The following RNF123 variants were observed in gnomAD, a reference collection of about 807,000 sequenced individuals.
The protein encoded by RNF123 is E3 ubiquitin-protein ligase RNF123.
Under a neutral mutation model 168.5 loss-of-function variants are expected in RNF123, and 86 were observed. The ratio of observed to expected loss-of-function variants is 0.51; its 90% CI spans 0.43 to 0.61. RNF123 has a LOEUF of 0.61. RNF123 is among the 20% of genes least tolerant of loss of function. The pLI is 0.00. For synonymous variants in RNF123, 666 were observed against 689.1 expected, an observed-to-expected ratio of 0.97 and a Z score of 0.52; for missense variants, 1,419 against 1,729.7, an observed-to-expected ratio of 0.82 and a Z score of 3.19.
chr3:49,719,183 T>A, intron 35 of RNF123: 4 of 1,613,426 alleles, frequency 2.5e-6, no homozygotes, highest in Non-Finnish European at 3.4e-6. Flanking sequence ...TCTAGTTCGT[T>A]GTGGTCTAGG....
chr3:49,692,129 C>T (rs2054178907), intron 3 of RNF123, among the ~76,000 whole-genome samples: 1 of 152,156 alleles, frequency 6.6e-6, no homozygotes, highest in Non-Finnish European at 1.5e-5. Flanking sequence ...CCTGTAGTCC[C>T]AGCTGTTAGG....
intron 33 of RNF123, 37 bp from the exon 34 acceptor site, chr3:49,716,065 C>T (rs2080237994): frequency 6.2e-7 from 1 of 1,613,344 alleles, no homozygotes; most frequent in African/African-American, 1.3e-5. Flanking sequence ...ATTGATGACG[C>T]TCCCCATCCA....
chr3:49,697,091 C>A, intron 3 of RNF123, 52 bp from the exon 4 acceptor site: 3 of 1,459,654 alleles, frequency 2.1e-6, no homozygotes, highest in Non-Finnish European at 2.9e-6. Context: ...TTAGTGTCAT[C>A]TGGCTGATTT....
At chr3:49,712,957 A>G (rs2080172561) in intron 27 of RNF123, 5 of 702,634 alleles carry the variant, frequency 7.1e-6, no homozygotes, top group Non-Finnish European at 1.3e-5. Context: ...ATGGTCCAGG[A>G]GCCAGCTGGC....
intron 21 of RNF123, among the ~76,000 whole-genome samples, chr3:49,704,146 G>A (rs1179439999): frequency 6.6e-6 from 1 of 152,198 alleles, no homozygotes; most frequent in Non-Finnish European, 1.5e-5. Flanking sequence ...GCGTTTAGCG[G>A]GGAGCAAGGC....
rs1416778649 is a variant in RNF123 at position 49,716,312 on chromosome 3, TAG to T, written c.3416-76_3416-75del. The T allele has an allele frequency of 5.6e-5, 87 of 1,550,922 alleles. No homozygotes were observed. The East Asian group carries it at 1.9e-3, about 34-fold the overall frequency. On this transcript the variant is annotated intron_variant, in intron 34 of 38. Transcript: ENST00000327697. ...TCTGCAGTCTCGGCTCACCCTTCTGTAGAGAGGGCAGTGGGCAGGCCTGGAGC... is the reference window on the plus strand; with the variant it reads ...TCTGCAGTCTCGGCTCACCCTTCTGTAGAGGGCAGTGGGCAGGCCTGGAGC...
Position 49,701,917 on chromosome 3 carries a change from C to G in RNF123, c.1495+7C>G, listed in dbSNP as rs994602421. On this transcript the variant is annotated splice_region_variant and intron_variant, in intron 17 of 38. Transcript: ENST00000327697. The stretch of plus-strand genomic sequence containing the variant: ...CTCAGGAAGCGCATCGAAGGTCAGC[C>G]CGCCTTGGGCACGGGGTAGGGTGGG... 2 of 1,559,170 alleles carry G rather than the reference C, an allele frequency of 1.3e-6. No individual in the cohort carries two copies. The highest frequency in any genetic ancestry group is 2.4e-5 in the South Asian group (2 of 84,698).
rs1293218218 is a variant in RNF123 at position 49,699,858 on chromosome 3, G to A, written c.984+86G>A. ...GGTAGATGTGCCCTCACTGAGGGCT[G>A]CAGTGCTGAGGTCCCACAGCATCAC... On this transcript the variant is annotated intron_variant, in intron 12 of 38. Transcript: ENST00000327697. The surrounding 1 kb of genome is among the most constrained non-coding windows in gnomAD (Gnocchi z 4.8). The A allele has an allele frequency of 6.7e-6, 9 of 1,342,728 alleles. No individual in the cohort carries two copies. The highest frequency in any genetic ancestry group is 2.4e-5 in the East Asian group (1 of 42,260). The allele number at this position is 1,342,728 out of a possible 1,614,324, so 83.2% of individuals were successfully genotyped here. A position where few individuals can be genotyped will look rare whatever the true frequency, so the allele number is the denominator to read the frequency against.
intron 12 of RNF123, 192 bp from the exon 13 acceptor site, chr3:49,700,035 C>G: frequency 2.6e-6 from 2 of 774,722 alleles, no homozygotes; most frequent in Non-Finnish European, 4.1e-6. Context: ...GTGTGCCAAG[C>G]CTTAGAGGAG....
rs1286708665 is a variant in RNF123, at chr3:49,702,723, G to T, written c.1720G>T (p.Ala574Ser). 2 of 1,614,118 alleles carry T rather than the reference G, an allele frequency of 1.2e-6. No homozygotes were observed. The highest frequency in any genetic ancestry group is 1.3e-5 in the African/African-American group (1 of 74,946). ...ALRYYWDEYK[A>S]SNPHASFSEE... ...GCGCTACTATTGGGATGAATACAAG[G>T]CTTCCAATCCTCATGCTTCCTTCAG... Residue 574 changes from alanine (A) to serine (S), a missense_variant, in exon 20 of 39, where the codon GCT (alanine) becomes TCT (serine). Around this residue, in one of 5 missense-constraint regions of RNF123, gnomAD observed 349 missense variants for 344.9 expected, o/e 1.01. Transcript: ENST00000327697.
In RNF123 at chr3:49,691,201, C is replaced by T. The variant is rs771896131; in HGVS notation, c.36C>T (p.Arg12=). Reference sequence around the variant, plus strand: ...AGGGGGCCGGCATGTCTTTCTCCCGCAAGAGCTATAGGCTGACCTCAGATG... The same window carrying T: ...AGGGGGCCGGCATGTCTTTCTCCCGTAAGAGCTATAGGCTGACCTCAGATG... ...ASKGAGMSFS[R]KSYRLTSDAE... is the part of the protein sequence containing the mutation. The change falls in exon 2 of 39, where the codon CGC becomes CGT. Residue 12 remains arginine, a synonymous_variant. Transcript: ENST00000327697. The T allele has an allele frequency of 6.2e-7, 1 of 1,613,962 alleles. No individual in the cohort carries two copies. Among genetic ancestry groups the T allele is most frequent in the South Asian group, 1.1e-5 (1 of 91,080 alleles).
At position 49,715,127 on chromosome 3, in the gene RNF123, C is replaced by T. The variant is rs375013985; in HGVS notation, c.3011-448C>T. On this transcript the variant is annotated intron_variant, in intron 31 of 38. Transcript: ENST00000327697. Reference sequence around the variant, plus strand: ...CCACCACCTCGGCCATATGCCAAGGCCAGGCCAAGGGCAGCAGAGGACAGT... The same window carrying T: ...CCACCACCTCGGCCATATGCCAAGGTCAGGCCAAGGGCAGCAGAGGACAGT... Among the ~76,000 whole-genome samples, 16 of 152,368 alleles carry T rather than the reference C, an allele frequency of 1.1e-4. No homozygotes were observed. The East Asian group carries it at 2.1e-3, about 20-fold the overall frequency.
chr3:49,701,970 T>G, intron 17 of RNF123, 60 bp downstream of exon 17: 1 of 1,550,176 alleles, frequency 6.5e-7, no homozygotes, highest in Non-Finnish European at 8.8e-7. Context: ...TGAGGGTGCT[T>G]GGAGGTGCCC....
At position 49,718,163 on chromosome 3, in the gene RNF123, C is replaced by T. The variant is rs770766221; in HGVS notation, c.3500+1686C>T. 29 of 1,613,154 alleles carry T rather than the reference C, an allele frequency of 1.8e-5. No homozygotes were observed. The South Asian group carries it at 2.7e-4, about 15-fold the overall frequency. ...GCGTCTGGCGGTGTGGTGCTGAGTA[C>T]TGAGGACTGTGCGCTCAGCTCTTGG... On this transcript the variant is annotated intron_variant, in intron 35 of 38. Transcript: ENST00000327697.
At chr3:49,720,353 C>A in intron 35 of RNF123, 158 bp from the exon 36 acceptor site, 7 of 589,646 alleles carry the variant, frequency 1.2e-5, no homozygotes, top group Non-Finnish European at 1.9e-5. Context: ...TGGCACCTTA[C>A]TAGAATACAG....
intron 3 of RNF123, among the ~76,000 whole-genome samples, chr3:49,695,170 A>G (rs2054243119): frequency 6.6e-6 from 1 of 152,166 alleles, no homozygotes; most frequent in African/African-American, 2.4e-5. Flanking sequence ...TGTCACAGTC[A>G]TAGCTCACTG....
In RNF123 at chr3:49,720,834, A is replaced by C. The variant is rs1401758394; in HGVS notation, c.3678A>C (p.Gln1226His). The C allele has an allele frequency of 3.7e-6, 6 of 1,614,172 alleles. No homozygotes were observed. The Admixed American group carries it at 1.0e-4, about 27-fold the overall frequency. ...ATATCAGTGCCGATGAGCTGGCCCA[A>C]GTGGAACAGATGCTGGCGCACCTGA... ...ADYISADELA[Q>H]VEQMLAHLTS... The change falls in exon 37 of 39, where the codon CAA becomes CAC. Residue 1226 changes from glutamine to histidine, a missense_variant. By Grantham distance (24) the Gln-to-His change is conservative. This residue lies in a region of RNF123 where 164 missense variants were observed against 152.3 expected (regional missense o/e 1.08). Coordinates refer to ENST00000327697, the MANE Select transcript of RNF123 (RefSeq NM_022064.5).
chr3:49,720,937 G>A (rs1273321585), intron 37 of RNF123, 43 bp downstream of exon 37: 2 of 1,610,484 alleles, frequency 1.2e-6, no homozygotes, highest in South Asian at 2.2e-5. Context: ...ACTTGAATAT[G>A]TGTGCACTCC....
intron 34 of RNF123, 96 bp from the exon 35 acceptor site, chr3:49,716,297 C>T (rs527502058): frequency 2.7e-5 from 41 of 1,540,864 alleles, no homozygotes; most frequent in Middle Eastern, 1.7e-4. Flanking sequence ...TCTGCAGTCT[C>T]GGCTCACCCT....
Sources: allele counts gnomAD v4.1 joint callset (sites outside exome capture counted in the v4.1 genomes callset), GRCh38; gene constraint gnomAD v4.1.1; regional missense constraint gnomAD v4.1.1; non-coding constraint Gnocchi (gnomAD v3.1); transcripts MANE v1.5; gene names NCBI Gene and HGNC (gene_info 2026-07-23, HGNC 2026-07-21).